Variants in ALKBH3 observed in about 807,000 individuals in gnomAD.
ALKBH3 encodes the protein alkB homolog 3, alpha-ketoglutarate dependent dioxygenase, also known as alpha-ketoglutarate-dependent dioxygenase alkB homolog 3.
In ALKBH3, 51 loss-of-function variants were observed where a neutral mutation model predicts 43.9. That is an observed-to-expected ratio of 1.16 (90% CI 0.93 to 1.47). ALKBH3 has a LOEUF of 1.47. Among genes scored for constraint, ALKBH3 ranks in the 40% most tolerant of loss-of-function variants. The pLI is 0.00. For synonymous variants in ALKBH3, 102 were observed against 115.2 expected, an observed-to-expected ratio of 0.89 and a Z score of 0.73; for missense variants, 361 against 351.9, an observed-to-expected ratio of 1.03 and a Z score of -0.21.
At chr11:43,886,830 A>G (rs1951749952) in intron 5 of ALKBH3, among the ~76,000 whole-genome samples, 177 bp downstream of exon 5, 1 of 152,244 alleles carries the variant, frequency 6.6e-6, no homozygotes, top group Non-Finnish European at 1.5e-5. Context: ...AGAGATCTTT[A>G]TCATCAGCAA....
Position 43,882,590 on chromosome 11 carries a change from G to A in ALKBH3, c.-63G>A. On this transcript the variant is annotated 5_prime_UTR_variant, in exon 2 of 10. An upstream start codon of the reference 5' UTR is lost. Transcript: ENST00000302708. Reference sequence around the variant, plus strand: ...TTTTGTTTTAATAAACAGATACCATGGAGTAGTTTGAAACAGGAACAAAAT... The same window carrying A: ...TTTTGTTTTAATAAACAGATACCATAGAGTAGTTTGAAACAGGAACAAAAT... 6.9e-7 allele frequency: 1 copy of A among 1,456,698 alleles called. No homozygotes were observed. The highest frequency in any genetic ancestry group is 2.3e-5 in the East Asian group (1 of 43,610). The allele number at this position is 1,456,698 out of a possible 1,614,324, so 90.2% of individuals were successfully genotyped here. A position where few individuals can be genotyped will look rare whatever the true frequency, so the allele number is the denominator to read the frequency against.
chr11:43,901,877 CTT>C, intron 8 of ALKBH3, 152 bp downstream of exon 8: 1 of 977,502 alleles, frequency 1.0e-6, no homozygotes. Context: ...CCATGGTTAA[CTT>C]TTGACTTCCA....
chr11:43,915,986 T>C (rs1320490289), intron 8 of ALKBH3, among the ~76,000 whole-genome samples: 1 of 152,248 alleles, frequency 6.6e-6, no homozygotes, highest in Non-Finnish European at 1.5e-5. Context: ...TACAAGTGCA[T>C]CATTTACTTT....
At chr11:43,915,642 G>A (rs1453347629) in intron 8 of ALKBH3, among the ~76,000 whole-genome samples, 1 of 121,282 alleles carries the variant, frequency 8.2e-6, no homozygotes. Flanking sequence ...TGGTCAAAAG[G>A]TATTTGTGAG....
At chr11:43,905,707 T>C (rs1951891549) in intron 8 of ALKBH3, among the ~76,000 whole-genome samples, 1 of 152,230 alleles carries the variant, frequency 6.6e-6, no homozygotes, top group South Asian at 2.1e-4. Flanking sequence ...TCAAATATAC[T>C]TCAGTAGACC....
In ALKBH3 at chr11:43,893,934, T is replaced by C. The variant is rs940448239; in HGVS notation, c.459+1805T>C. Reference sequence around the variant, plus strand: ...TCTTGTTATGTTGCCCAGGCTGGTGTTGAACACCTGGGCTCAAGTGCTCCT... The same window carrying C: ...TCTTGTTATGTTGCCCAGGCTGGTGCTGAACACCTGGGCTCAAGTGCTCCT... On this transcript the variant is annotated intron_variant, in intron 7 of 9. Transcript: ENST00000302708. 3.9e-5 allele frequency among the ~76,000 whole-genome samples: 6 copies of C among 152,214 alleles called. No individual in the cohort carries two copies. The South Asian group carries it at 8.3e-4, about 21-fold the overall frequency.
chr11:43,898,068 CAAG>C (rs34844726), intron 7 of ALKBH3: 44,545 of 1,006,316 alleles, frequency 0.044, 2,491 homozygotes, highest in Admixed American at 0.24. Context: ...ATGCTGTCCT[CAAG>C]GAGGGGCTGA....
Position 43,919,921 on chromosome 11 carries a change from C to T in ALKBH3, c.772C>T (p.Arg258Ter), listed in dbSNP as rs746161972. ...EGATQADWQH[R>*]VPKEYHSREP... is the part of the protein sequence containing the mutation. ...AGTTATGTGTATTTCCATTTAGCATCGAGTGCCCAAAGAATACCACTCTAG... is the reference window on the plus strand; with the variant it reads ...AGTTATGTGTATTTCCATTTAGCATTGAGTGCCCAAAGAATACCACTCTAG... Residue 258 changes from arginine to a stop codon, truncating the protein, a stop_gained, in exon 10 of 10, where the codon CGA (arginine) becomes TGA (stop). Coordinates refer to ENST00000302708, the MANE Select transcript of ALKBH3 (RefSeq NM_139178.4). LOFTEE classifies it high-confidence loss of function. The T allele has an allele frequency of 9.3e-6, 15 of 1,613,702 alleles. No individual in the cohort carries two copies. In the East Asian group the frequency reaches 1.6e-4, roughly 17 times the overall value.
At chr11:43,898,822 G>T (rs1951839719) in intron 7 of ALKBH3, 1 of 766,208 alleles carries the variant, frequency 1.3e-6, no homozygotes, top group Admixed American at 1.7e-5. Context: ...CATTTATGCA[G>T]GAAATGACTA....
In ALKBH3 at chr11:43,892,097, T is replaced by C. The variant is rs898367089; in HGVS notation, c.427T>C (p.Tyr143His). ...TAWYGELPYT[Y>H]SRITMEPNPH... ...ATGGTATGGAGAACTTCCTTACACT[T>C]ATTCAAGAATCACTATGGAACCAAA... The change falls in exon 7 of 10, where the codon TAT becomes CAT. Residue 143 changes from tyrosine to histidine, a missense_variant. Physicochemically the swap from Tyr to His is moderately conservative, Grantham distance 83 (BLOSUM62 2). Transcript: ENST00000302708. 6.2e-7 allele frequency: 1 copy of C among 1,613,668 alleles called. No individual in the cohort carries two copies. Among genetic ancestry groups the C allele is most frequent in the South Asian group, 1.1e-5 (1 of 91,060 alleles).
At chr11:43,882,921 T>G in intron 2 of ALKBH3, 164 bp from the exon 3 acceptor site, 1 of 813,796 alleles carries the variant, frequency 1.2e-6, no homozygotes, top group South Asian at 1.9e-5. Flanking sequence ...TCCTCATATT[T>G]AGTCCACACC....
intron 7 of ALKBH3, among the ~76,000 whole-genome samples, chr11:43,892,873 T>C (rs1290709689): frequency 1.3e-5 from 2 of 152,230 alleles, no homozygotes; most frequent in African/African-American, 4.8e-5. Flanking sequence ...GCTACCACTT[T>C]ACTAAAATTT....
intron 8 of ALKBH3, 93 bp from the exon 9 acceptor site, chr11:43,918,945 C>A: frequency 1.0e-6 from 1 of 967,324 alleles, no homozygotes; most frequent in Non-Finnish European, 1.6e-6. Flanking sequence ...TCTGGCTGAG[C>A]AGAGGTTTCC....
chr11:43,896,268 T>TACACACACAC (rs71035662), intron 7 of ALKBH3, among the ~76,000 whole-genome samples: 60 of 147,374 alleles, frequency 4.1e-4, no homozygotes, highest in African/African-American at 1.5e-3. Context: ...ATAGGATAGA[T>TACACACACAC]ACACACACAC....
At chr11:43,915,738 A>G (rs1270011865) in intron 8 of ALKBH3, among the ~76,000 whole-genome samples, 1 of 152,226 alleles carries the variant, frequency 6.6e-6, no homozygotes, top group East Asian at 1.9e-4. Context: ...AAAATGCTCA[A>G]TAAAATATTA....
intron 4 of ALKBH3, among the ~76,000 whole-genome samples, chr11:43,885,021 G>T (rs1951737857): frequency 6.6e-6 from 1 of 152,150 alleles, no homozygotes; most frequent in Non-Finnish European, 1.5e-5. Flanking sequence ...CTCCCAAAGT[G>T]CTGATATTAC....
In ALKBH3 at chr11:43,892,139, C is replaced by T; in HGVS notation, c.459+10C>T. ...GGAACCAAATCCTCACGTATGTCAA[C>T]ATATTGTCATTGGTATGGTTTTATA... On this transcript the variant is annotated intron_variant, in intron 7 of 9. Coordinates refer to ENST00000302708, the MANE Select transcript of ALKBH3 (RefSeq NM_139178.4). The T allele has an allele frequency of 1.3e-6, 2 of 1,586,946 alleles. No individual in the cohort carries two copies. The highest frequency in any genetic ancestry group is 2.2e-5 in the East Asian group (1 of 44,736).
chr11:43,900,369 G>A (rs12808936), intron 7 of ALKBH3, among the ~76,000 whole-genome samples: 20 of 151,502 alleles, frequency 1.3e-4, no homozygotes, highest in South Asian at 6.2e-4. Context: ...GACTACAGGC[G>A]CATGCCACCA....
intron 1 of ALKBH3, chr11:43,881,499 A>G (rs1450036004): frequency 5.3e-5 from 8 of 152,272 alleles, no homozygotes. Flanking sequence ...TTACGCTTTT[A>G]GGGCCTCAAT....
Sources: gnomAD v4.1 joint callset for allele counts (sites outside exome capture counted in the v4.1 genomes callset) on GRCh38, gnomAD v4.1.1 for gene constraint, MANE v1.5 for transcripts, NCBI Gene and HGNC (gene_info 2026-07-23, HGNC 2026-07-21) for gene names.